CEP83: variants seen among roughly 807,000 people sequenced by gnomAD.
The protein encoded by CEP83 is centrosomal protein 83.
CEP83 carries 70 observed loss-of-function variants against 101.9 expected under a neutral mutation model. That is an observed-to-expected ratio of 0.69 (90% CI 0.57 to 0.84). The LOEUF is 0.84. Among genes scored for constraint, CEP83 ranks in the 40% least tolerant of loss-of-function variants. CEP83 has a pLI of 0.00. For synonymous variants in CEP83, 264 were observed against 267.9 expected (o/e 0.99, Z 0.14); for missense variants, 715 against 787.2 (o/e 0.91, Z 1.10).
chr12:94,278,073 T>C, the CEP83 span: 196 of 456,026 alleles, frequency 4.3e-4, no homozygotes, highest in African/African-American at 3.6e-3. Flanking sequence ...TCCCTCTGTC[T>C]CTGTATGGGC....
chr12:94,417,571 CT>C (rs2064376872), intron 2 of CEP83, among the ~76,000 whole-genome samples: 1 of 151,520 alleles, frequency 6.6e-6, no homozygotes, highest in Non-Finnish European at 1.5e-5. Context: ...GGTGGATCAC[CT>C]GAGGTCAGGA....
intron 1 of CEP83, among the ~76,000 whole-genome samples, chr12:94,454,466 CACCAATCAGCACTCTGTAAAAACGG>C (rs1441759873): frequency 2.6e-5 from 4 of 152,270 alleles, no homozygotes; most frequent in Non-Finnish European, 5.9e-5. Context: ...TTTGTAAACG[CACCAATCAGCACTCTGTAAAAACGG>C]ACCAATCAGC....
intron 11 of CEP83, among the ~76,000 whole-genome samples, chr12:94,367,368 T>C (rs1486445377): frequency 1.3e-5 from 2 of 152,122 alleles, no homozygotes; most frequent in Admixed American, 6.5e-5. Flanking sequence ...ACACATGACT[T>C]TGATGTTTTG....
At chr12:94,312,729 CT>C in intron 15 of CEP83, 184 bp downstream of exon 15, 3 of 985,230 alleles carry the variant, frequency 3.0e-6, no homozygotes, top group Non-Finnish European at 3.6e-6. Context: ...TGACAGAGAC[CT>C]TTTGGTTTAA....
downstream of CEP83, chr12:94,305,750 A>AT (rs1026872603): frequency 6.5e-6 from 1 of 153,058 alleles, no homozygotes; most frequent in Non-Finnish European, 1.5e-5. Context: ...AACCTCGAGG[A>AT]TTTGCAGCAT....
At chr12:94,277,899 A>T in the CEP83 span, 2 of 455,418 alleles carry the variant, frequency 4.4e-6, no homozygotes, top group East Asian at 1.4e-4. Flanking sequence ...CCCATTTTTA[A>T]GTTGAGGTAG....
intron 11 of CEP83, among the ~76,000 whole-genome samples, chr12:94,343,644 C>A (rs888204012): frequency 6.7e-6 from 1 of 149,972 alleles, no homozygotes; most frequent in African/African-American, 2.5e-5. Context: ...CGCCCGCCAC[C>A]GCGCCCGGCT....
chr12:94,408,613 G>A (rs1340261522), intron 4 of CEP83, among the ~76,000 whole-genome samples: 3 of 151,674 alleles, frequency 2.0e-5, no homozygotes, highest in Non-Finnish European at 2.9e-5. Flanking sequence ...AGGGTCTCGC[G>A]CTGTTGCCCA....
chr12:94,386,984 A>T (rs1319729063), intron 6 of CEP83, among the ~76,000 whole-genome samples: 1 of 152,226 alleles, frequency 6.6e-6, no homozygotes, highest in Non-Finnish European at 1.5e-5. Context: ...TGCTCAACAA[A>T]GTTGACAAAA....
At chr12:94,271,692 A>G in the CEP83 span, among the ~76,000 whole-genome samples, 2 of 152,154 alleles carry the variant, frequency 1.3e-5, no homozygotes, top group Non-Finnish European at 2.9e-5. Context: ...AAAATAATAC[A>G]TGTACCACGT....
At chr12:94,294,274 C>T in the CEP83 span, among the ~76,000 whole-genome samples, 29 of 152,304 alleles carry the variant, frequency 1.9e-4, no homozygotes, top group East Asian at 3.9e-3. Context: ...GCCTCCTCCA[C>T]AGGACCATGA....
intron 6 of CEP83, 104 bp from the exon 7 acceptor site, chr12:94,379,146 C>T: frequency 2.0e-6 from 2 of 1,008,538 alleles, no homozygotes; most frequent in Non-Finnish European, 2.9e-6. Flanking sequence ...AAAATCAAAG[C>T]TCAGGTGCTG....
At chr12:94,394,082 A>G (rs1010549349) in intron 6 of CEP83, among the ~76,000 whole-genome samples, 15 of 152,210 alleles carry the variant, frequency 9.9e-5, no homozygotes, top group Admixed American at 5.9e-4. Flanking sequence ...CATCCCCATC[A>G]AGCTACCAAT....
At chr12:94,364,420 C>G (rs2059980794) in intron 11 of CEP83, among the ~76,000 whole-genome samples, 1 of 151,948 alleles carries the variant, frequency 6.6e-6, no homozygotes, top group Non-Finnish European at 1.5e-5. Context: ...GAGAGAAAAA[C>G]TATAAGGACT....
chr12:94,348,433 G>T (rs1329088948), intron 11 of CEP83, among the ~76,000 whole-genome samples: 1 of 152,110 alleles, frequency 6.6e-6, no homozygotes, highest in Non-Finnish European at 1.5e-5. Flanking sequence ...GGTGTCTCAT[G>T]AACTGAGTGA....
In CEP83 at chr12:94,436,842, A is replaced by G. The variant is rs1267832305; in HGVS notation, c.-154-1515T>C. On this transcript the variant is annotated intron_variant, in intron 1 of 16. Transcript: ENST00000397809. ...ACTCCATCTCAAAAAAAAAAAAAAGAAAGAAGGAAAGAAAAAGAAAAGAAA... is the reference window on the plus strand; with the variant it reads ...ACTCCATCTCAAAAAAAAAAAAAAGGAAGAAGGAAAGAAAAAGAAAAGAAA... 7.3e-5 allele frequency among the ~76,000 whole-genome samples: 11 copies of G among 150,778 alleles called. 1 individual carries two copies. The highest frequency in any genetic ancestry group is 5.9e-4 in the Admixed American group (9 of 15,156).
chr12:94,365,526 C>G (rs2060977135), intron 11 of CEP83, among the ~76,000 whole-genome samples: 1 of 152,090 alleles, frequency 6.6e-6, no homozygotes, highest in Non-Finnish European at 1.5e-5. Flanking sequence ...TCCCAGTACT[C>G]TGGGAGGCCG....
At position 94,445,774 on chromosome 12, in the gene CEP83, A is replaced by T. The variant is rs147915933; in HGVS notation, c.-154-10447T>A. On this transcript the variant is annotated intron_variant, in intron 1 of 16. Transcript: ENST00000397809. ...CTTCTCATATCCTAAAGATGTGCACATTAGATTCACTGGGAGATTGAAATT... is the reference window on the plus strand; with the variant it reads ...CTTCTCATATCCTAAAGATGTGCACTTTAGATTCACTGGGAGATTGAAATT... 4.6e-5 allele frequency among the ~76,000 whole-genome samples: 7 copies of T among 152,330 alleles called. No individual in the cohort carries two copies. The East Asian group carries it at 1.3e-3, about 29-fold the overall frequency.
At chr12:94,360,634 G>C (rs973406086) in intron 11 of CEP83, among the ~76,000 whole-genome samples, 2 of 152,044 alleles carry the variant, frequency 1.3e-5, no homozygotes, top group East Asian at 3.8e-4. Flanking sequence ...GAAATCTCAT[G>C]CTTATGGATT....
Sources: gnomAD v4.1 joint callset for allele counts (sites outside exome capture counted in the v4.1 genomes callset) on GRCh38, gnomAD v4.1.1 for gene constraint, MANE v1.5 for transcripts, NCBI Gene and HGNC (gene_info 2026-07-23, HGNC 2026-07-21) for gene names.